The following ECPAS variants were observed in gnomAD, a reference collection of about 807,000 sequenced individuals.
ECPAS encodes proteasome adapter and scaffold protein ECM29.
A neutral mutation model predicts 255.1 loss-of-function variants in ECPAS; 70 were observed. The observed-to-expected ratio is 0.27, with a 90% CI of 0.23 to 0.33. The LOEUF is 0.33. ECPAS is among the 10% of genes least tolerant of loss of function. The pLI, the probability that ECPAS is intolerant of heterozygous loss-of-function variation, is 1.00. For missense variants in ECPAS, 1,817 were observed against 2,206.4 expected, an observed-to-expected ratio of 0.82 and a Z score of 3.54; for synonymous variants, 784 against 775.0, an observed-to-expected ratio of 1.01 and a Z score of -0.19.
At chr9:111,423,286 CA>C in intron 12 of ECPAS, 38 bp from the exon 13 acceptor site, 2 of 1,428,518 alleles carry the variant, frequency 1.4e-6, no homozygotes, top group East Asian at 2.5e-5. Flanking sequence ...AAAGAAAGAA[CA>C]AAAAACAGAC....
rs28567650 is a variant in ECPAS, at chr9:111,425,430, A to T, written c.1203T>A (p.Asn401Lys). The T allele has an allele frequency of 3.1e-6, 5 of 1,590,092 alleles. No homozygotes were observed. The highest frequency in any genetic ancestry group is 1.4e-5 in the African/African-American group (1 of 74,016). Reference sequence around the variant, plus strand: ...ACAAGTCACTTACCTCTTTGTATTCATTGATTAGCTTGGTGAGGCCATTCA... The same window carrying T: ...ACAAGTCACTTACCTCTTTGTATTCTTTGATTAGCTTGGTGAGGCCATTCA... The part of the protein sequence containing the change: ...MLLNGLTKLI[N>K]EYKEDPKLLS... Residue 401 changes from asparagine (N) to lysine (K), a missense_variant, in exon 12 of 50, where the codon AAT (asparagine) becomes AAA (lysine). This residue lies in a region of ECPAS where 573 missense variants were observed against 716.2 expected (regional missense o/e 0.80). Coordinates refer to ENST00000684092, the MANE Select transcript of ECPAS (RefSeq NM_001364929.1).
chr9:111,401,650 T>C (rs1391779323), intron 24 of ECPAS, among the ~76,000 whole-genome samples: 1 of 152,200 alleles, frequency 6.6e-6, no homozygotes, highest in East Asian at 1.9e-4. Context: ...TCAGTCCTTA[T>C]CTCAACCACA....
intron 7 of ECPAS, 93 bp from the exon 8 acceptor site, chr9:111,433,465 C>A (rs1352592292): frequency 3.5e-5 from 47 of 1,350,994 alleles, no homozygotes; most frequent in Non-Finnish European, 4.8e-5. Flanking sequence ...TGGTCACAAG[C>A]CAAAGATGAG....
chr9:111,370,105 T>C (rs1023749763), intron 45 of ECPAS, among the ~76,000 whole-genome samples: 2 of 152,206 alleles, frequency 1.3e-5, no homozygotes, highest in Non-Finnish European at 1.5e-5. Context: ...AAGAGAGACA[T>C]GGCATGCCCA....
chr9:111,406,489 A>T (rs1333249349), intron 24 of ECPAS, among the ~76,000 whole-genome samples: 2 of 150,060 alleles, frequency 1.3e-5, no homozygotes, highest in Non-Finnish European at 2.9e-5. Flanking sequence ...ATATTTCAAA[A>T]TAGCAAGAAG....
intron 31 of ECPAS, among the ~76,000 whole-genome samples, chr9:111,388,579 A>AT (rs1444057171): frequency 1.3e-4 from 20 of 152,044 alleles, no homozygotes; most frequent in Admixed American, 1.3e-3. Flanking sequence ...CTACTAAAGG[A>AT]TTTTAACCCA....
At chr9:111,459,318 T>C (rs751320931) in intron 2 of ECPAS, among the ~76,000 whole-genome samples, 5 of 152,188 alleles carry the variant, frequency 3.3e-5, no homozygotes, top group African/African-American at 9.6e-5. Context: ...TGTGAACTCC[T>C]GGCCTCAAGC....
chr9:111,420,189 C>T, intron 15 of ECPAS, 69 bp from the exon 16 acceptor site: 1 of 1,011,274 alleles, frequency 9.9e-7, no homozygotes, highest in Non-Finnish European at 1.5e-6. Context: ...AATTACCAGC[C>T]ATTCATTCCA....
chr9:111,416,313 C>G lies in ECPAS; in HGVS notation c.1723G>C (p.Gly575Arg). ...GGGTTAAATGGAAGGACAGTGGTCC[C>G]GGTCATGTACTTGACTGGAGTTTTC... ...RMKTPVKYMT[G>R]TTVLPFNPAA... Residue 575 changes from glycine (G) to arginine (R), a missense_variant, in exon 18 of 50, where the codon GGG becomes CGG. Physicochemically the swap from Gly to Arg is moderately radical, Grantham distance 125 (BLOSUM62 -2). Transcript: ENST00000684092. The G allele has an allele frequency of 6.2e-7, 1 of 1,613,602 alleles. No homozygotes were observed. Among genetic ancestry groups the G allele is most frequent in the Non-Finnish European group, 8.5e-7 (1 of 1,179,654 alleles).
chr9:111,437,649 A>G (rs1036275310), intron 6 of ECPAS, among the ~76,000 whole-genome samples: 7 of 152,212 alleles, frequency 4.6e-5, no homozygotes, highest in Non-Finnish European at 8.8e-5. Context: ...ACATAAGCAC[A>G]TAAAGTCCCT....
intron 1 of ECPAS, among the ~76,000 whole-genome samples, chr9:111,479,404 T>C (rs2098300693): frequency 6.6e-6 from 1 of 151,704 alleles, no homozygotes; most frequent in Non-Finnish European, 1.5e-5. Flanking sequence ...GAGACCAGCC[T>C]GGCCAACACG....
Position 111,433,239 on chromosome 9 carries a change from T to C in ECPAS, c.842A>G (p.Lys281Arg). ...ATAADLELKS[K>R]QSLIDWNNPA... Reference sequence around the variant, plus strand: ...TTTACAGGGAAGTAGTTACCTCTGTTTGCTTTTCAATTCCAGGTCTGCTGC... The same window carrying C: ...TTTACAGGGAAGTAGTTACCTCTGTCTGCTTTTCAATTCCAGGTCTGCTGC... The change falls in exon 8 of 50, where the codon AAA becomes AGA. Residue 281 changes from lysine to arginine, a missense_variant. Lys to Arg is a conservative substitution (Grantham distance 26, BLOSUM62 2). This residue lies in a region of ECPAS where 573 missense variants were observed against 716.2 expected (regional missense o/e 0.80). Coordinates refer to ENST00000684092, the MANE Select transcript of ECPAS (RefSeq NM_001364929.1). 1 of 1,613,898 alleles carries C rather than the reference T, an allele frequency of 6.2e-7. No individual in the cohort carries two copies. The highest frequency in any genetic ancestry group is 8.5e-7 in the Non-Finnish European group (1 of 1,179,738).
chr9:111,393,838 C>T, intron 26 of ECPAS, 104 bp from the exon 27 acceptor site: 1 of 869,958 alleles, frequency 1.1e-6, no homozygotes, highest in South Asian at 1.7e-5. Context: ...ATTATCCAAG[C>T]CAGTTACAAT....
chr9:111,408,719 C>T, intron 23 of ECPAS, 47 bp from the exon 24 acceptor site: 1 of 1,171,936 alleles, frequency 8.5e-7, no homozygotes, highest in Non-Finnish European at 1.2e-6. Flanking sequence ...TATATAATAG[C>T]TTTACCCCAG....
chr9:111,377,511 T>C (rs560413488), intron 36 of ECPAS, among the ~76,000 whole-genome samples: 1 of 152,340 alleles, frequency 6.6e-6, no homozygotes, highest in African/African-American at 2.4e-5. Flanking sequence ...ACCTTTGATG[T>C]TGCAAAACCT....
At chr9:111,483,489 G>C (rs1229834331) in intron 1 of ECPAS, 2 of 978,218 alleles carry the variant, frequency 2.0e-6, no homozygotes, top group Non-Finnish European at 2.4e-6. Flanking sequence ...CCGCAGGTTC[G>C]GCCGCGGCAC....
At chr9:111,440,039 T>C (rs1305487105) in intron 6 of ECPAS, among the ~76,000 whole-genome samples, 1 of 152,120 alleles carries the variant, frequency 6.6e-6, no homozygotes, top group Non-Finnish European at 1.5e-5. Context: ...AGAAACTTTT[T>C]TTTTTTTGAG....
rs533837010 is a variant in ECPAS, at chr9:111,452,260, G to C, written c.23-705C>G. On this transcript the variant is annotated intron_variant, in intron 2 of 49. Coordinates refer to ENST00000684092, the MANE Select transcript of ECPAS (RefSeq NM_001364929.1). ...GGTACTATAATGGTATTGTGGTTAG[G>C]TTTGTTTTTTAAAGGTCCCTACAAA... 4.1e-4 allele frequency among the ~76,000 whole-genome samples: 62 copies of C among 152,280 alleles called. 1 individual carries two copies. Among genetic ancestry groups the C allele is most frequent in the African/African-American group, 1.4e-3 (58 of 41,548 alleles).
At position 111,361,373 on chromosome 9, in the gene ECPAS, T is replaced by C. The variant is rs1047298434; in HGVS notation, c.*657A>G. The C allele has an allele frequency of 1.3e-5, 2 of 152,246 alleles. No homozygotes were observed. The highest frequency in any genetic ancestry group is 4.8e-5 in the African/African-American group (2 of 41,456). 9.4% of individuals were successfully genotyped at this position (152,246 alleles called of 1,614,324 possible). On this transcript the variant is annotated 3_prime_UTR_variant, in exon 50 of 50. Transcript: ENST00000684092. ...TCTCCAAATCAACCACCTAAACACA[T>C]GACAAGACAATGTTTAGCTTCTGGC... is the stretch of plus-strand genomic sequence containing the variant.
Sources: gnomAD v4.1 joint callset for allele counts (sites outside exome capture counted in the v4.1 genomes callset) on GRCh38, gnomAD v4.1.1 for gene constraint, gnomAD v4.1.1 regional missense constraint, MANE v1.5 for transcripts, NCBI Gene and HGNC (gene_info 2026-07-23, HGNC 2026-07-21) for gene names.